Variants in FAM110B observed in about 807,000 individuals in gnomAD.
FAM110B encodes the protein protein FAM110B.
FAM110B carries 6 observed loss-of-function variants against 20.4 expected under a neutral mutation model. That is an observed-to-expected ratio of 0.29 (90% confidence interval 0.16 to 0.58). The LOEUF is 0.58. Ranked by LOEUF, FAM110B falls within the 20% of genes least tolerant of loss-of-function variation. The pLI, the probability that FAM110B is intolerant of heterozygous loss-of-function variation, is 0.90. For missense variants in FAM110B, 434 were observed against 498.2 expected, an observed-to-expected ratio of 0.87 and a Z score of 1.23; for synonymous variants, 226 against 214.1, an observed-to-expected ratio of 1.06 and a Z score of -0.49.
In FAM110B at chr8:58,037,813, A is replaced by G. The variant is rs532050033; in HGVS notation, c.-414+6110A>G. On this transcript the variant is annotated intron_variant, in intron 2 of 3. Coordinates refer to ENST00000519262, the MANE Select transcript of FAM110B (RefSeq NM_001377989.1). ...TGTTTCCTAACTTAATTAGAATTGGAAAACAGCCGTTACTTTTCTCTCTTT... is the reference window on the plus strand; with the variant it reads ...TGTTTCCTAACTTAATTAGAATTGGGAAACAGCCGTTACTTTTCTCTCTTT... Among the ~76,000 whole-genome samples the G allele has an allele frequency of 1.3e-3, 196 of 152,254 alleles. 1 individual carries two copies. The highest frequency in any genetic ancestry group is 2.1e-3 in the Non-Finnish European group (146 of 68,022).
At chr8:58,028,061 A>T (rs1370050976) in intron 1 of FAM110B, among the ~76,000 whole-genome samples, 1 of 152,236 alleles carries the variant, frequency 6.6e-6, no homozygotes, top group Non-Finnish European at 1.5e-5. Context: ...AATTTCCAAC[A>T]ATCATTGTAG....
chr8:58,006,923 A>ATATATATATATATATATATATATATATT, intron 1 of FAM110B, among the ~76,000 whole-genome samples: 5 of 126,516 alleles, frequency 4.0e-5, no homozygotes, highest in East Asian at 2.4e-4. Flanking sequence ...ATATATATAT[A>ATATATATATATATATATATATATATATT]TTTTTCCAAA....
intron 1 of FAM110B, among the ~76,000 whole-genome samples, chr8:58,014,595 C>A (rs1488448016): frequency 6.6e-6 from 1 of 152,226 alleles, no homozygotes; most frequent in Non-Finnish European, 1.5e-5. Flanking sequence ...TTTGATGCAA[C>A]AGGCTTTAAC....
chr8:58,076,188 G>A (rs918510724), intron 3 of FAM110B, among the ~76,000 whole-genome samples: 15 of 152,274 alleles, frequency 9.9e-5, no homozygotes, highest in African/African-American at 3.1e-4. Context: ...ATTAACTCCT[G>A]GCTTCAAGCA....
chr8:58,073,889 A>G (rs1173167596), intron 2 of FAM110B, among the ~76,000 whole-genome samples: 3 of 152,172 alleles, frequency 2.0e-5, no homozygotes, highest in African/African-American at 7.2e-5. Flanking sequence ...CTCTTGACAA[A>G]TTTGGAGGGG....
At chr8:58,102,727 C>T (rs1806809039) in intron 3 of FAM110B, among the ~76,000 whole-genome samples, 1 of 152,126 alleles carries the variant, frequency 6.6e-6, no homozygotes, top group South Asian at 2.1e-4. Flanking sequence ...AGCCTCTGTT[C>T]TCCTTTTTCA....
At chr8:58,141,126 G>A (rs1180198392) in intron 3 of FAM110B, among the ~76,000 whole-genome samples, 1 of 152,166 alleles carries the variant, frequency 6.6e-6, no homozygotes, top group Non-Finnish European at 1.5e-5. Context: ...GTTCTTAAAA[G>A]GGAAGCCAAG....
chr8:58,004,774 G>T (rs7000685), intron 1 of FAM110B, among the ~76,000 whole-genome samples: 1 of 151,982 alleles, frequency 6.6e-6, no homozygotes, highest in Non-Finnish European at 1.5e-5. Flanking sequence ...ATGAACCAAC[G>T]TCTGCTAGCT....
chr8:58,004,044 G>T (rs1289044387), intron 1 of FAM110B, among the ~76,000 whole-genome samples: 1 of 152,086 alleles, frequency 6.6e-6, no homozygotes, highest in Non-Finnish European at 1.5e-5. Context: ...GGGATGGGGT[G>T]GGGGAGGGGG....
At chr8:58,132,961 C>G (rs1171004814) in intron 3 of FAM110B, among the ~76,000 whole-genome samples, 1 of 152,124 alleles carries the variant, frequency 6.6e-6, no homozygotes, top group East Asian at 1.9e-4. Flanking sequence ...GAGTGAGAAG[C>G]TTAAATGTTA....
At chr8:58,071,303 T>G (rs1805891707) in intron 2 of FAM110B, among the ~76,000 whole-genome samples, 1 of 152,234 alleles carries the variant, frequency 6.6e-6, no homozygotes, top group African/African-American at 2.4e-5. Flanking sequence ...AAAACGCCTT[T>G]GTTTTTACTT....
chr8:58,044,614 A>G (rs1805286713), intron 2 of FAM110B, among the ~76,000 whole-genome samples: 1 of 152,230 alleles, frequency 6.6e-6, no homozygotes, highest in Non-Finnish European at 1.5e-5. Context: ...TAGCCAGACT[A>G]TGGATGTTAC....
intron 3 of FAM110B, among the ~76,000 whole-genome samples, chr8:58,093,293 C>T (rs1209656884): frequency 6.6e-6 from 1 of 152,134 alleles, no homozygotes; most frequent in Non-Finnish European, 1.5e-5. Flanking sequence ...ATTGCTGTTG[C>T]TTTTGGTGTT....
chr8:58,006,923 A>ATATTTTTTTT, intron 1 of FAM110B, among the ~76,000 whole-genome samples: 2 of 126,532 alleles, frequency 1.6e-5, no homozygotes, highest in Non-Finnish European at 3.3e-5. Flanking sequence ...ATATATATAT[A>ATATTTTTTTT]TTTTTCCAAA....
At position 58,148,759 on chromosome 8, in the gene FAM110B, G is replaced by A. The variant is rs918714932; in HGVS notation, c.*1416G>A. On this transcript the variant is annotated 3_prime_UTR_variant, in exon 4 of 4. Transcript: ENST00000519262. ...TTTAAAGAAAAAAAGAAAAAGTTAC[G>A]CTAATAAATTGCTGTGGTGCAGGCA... 2.4e-5 allele frequency: 4 copies of A among 167,094 alleles called. No individual in the cohort carries two copies. Among genetic ancestry groups the A allele is most frequent in the South Asian group, 2.1e-4 (1 of 4,834 alleles). 10.4% of individuals were successfully genotyped at this position (167,094 alleles called of 1,614,324 possible). A position where few individuals can be genotyped will look rare whatever the true frequency, so the allele number is the denominator to read the frequency against.
At chr8:58,014,183 C>T (rs1424656496) in intron 1 of FAM110B, among the ~76,000 whole-genome samples, 1 of 152,280 alleles carries the variant, frequency 6.6e-6, no homozygotes, top group East Asian at 1.9e-4. Flanking sequence ...AGTAAGAACA[C>T]TTAGGATCAT....
chr8:58,129,507 T>A (rs965869746), intron 3 of FAM110B, among the ~76,000 whole-genome samples: 2 of 152,336 alleles, frequency 1.3e-5, no homozygotes, highest in East Asian at 3.9e-4. Context: ...GTTGGTAGTA[T>A]TTTAGCCCAA....
intron 2 of FAM110B, among the ~76,000 whole-genome samples, chr8:58,033,300 A>G (rs1161108393): frequency 6.6e-6 from 1 of 152,098 alleles, no homozygotes; most frequent in Non-Finnish European, 1.5e-5. Context: ...CCAGTCCACC[A>G]TTGATGTACA....
intron 3 of FAM110B, among the ~76,000 whole-genome samples, chr8:58,080,709 G>A (rs769073735): frequency 1.2e-4 from 18 of 152,182 alleles, no homozygotes; most frequent in Non-Finnish European, 2.2e-4. Flanking sequence ...TATCATGTGT[G>A]TGTATCTATG....
Sources: allele counts gnomAD v4.1 joint callset (sites outside exome capture counted in the v4.1 genomes callset), GRCh38; gene constraint gnomAD v4.1.1; transcripts MANE v1.5; gene names NCBI Gene and HGNC (gene_info 2026-07-23, HGNC 2026-07-21).